Variants in ADARB2 observed in about 807,000 individuals in gnomAD.
ADARB2 encodes inactive double-stranded RNA-specific editase B2.
A neutral mutation model predicts 62.2 loss-of-function variants in ADARB2; 25 were observed. That is an observed-to-expected ratio of 0.40 (90% CI 0.29 to 0.56). The LOEUF (loss-of-function observed/expected upper bound fraction) is 0.56, where lower values mean the gene tolerates loss of function less well. Among genes scored for constraint, ADARB2 ranks in the 20% least tolerant of loss-of-function variants. The pLI is 0.43. For missense variants in ADARB2, 1,071 were observed against 1,077.4 expected (o/e 0.99, Z 0.08); for synonymous variants, 572 against 500.8 (o/e 1.14, Z -1.90).
At chr10:1,586,908 G>A (rs927940568) in intron 1 of ADARB2, among the ~76,000 whole-genome samples, 3 of 152,142 alleles carry the variant, frequency 2.0e-5, no homozygotes, top group African/African-American at 7.2e-5. Flanking sequence ...ACAATGTAAT[G>A]AAATCAATAT....
intron 1 of ADARB2, among the ~76,000 whole-genome samples, chr10:1,430,178 A>G (rs1163766300): frequency 6.6e-6 from 1 of 152,228 alleles, no homozygotes; most frequent in Admixed American, 6.5e-5. Flanking sequence ...ATGTCAGTAG[A>G]CCATGGTGCA....
chr10:1,601,233 T>C (rs1833408454), intron 1 of ADARB2, among the ~76,000 whole-genome samples: 1 of 152,164 alleles, frequency 6.6e-6, no homozygotes, highest in Admixed American at 6.5e-5. Context: ...CCTAGGTTTT[T>C]GTGAAGCCTG....
intron 1 of ADARB2, among the ~76,000 whole-genome samples, chr10:1,530,522 C>G (rs1458564886): frequency 1.3e-5 from 2 of 152,238 alleles, no homozygotes; most frequent in African/African-American, 4.8e-5. Context: ...TCTGTGGGAG[C>G]CACAGGACGA....
At chr10:1,560,158 A>G (rs1329621978) in intron 1 of ADARB2, among the ~76,000 whole-genome samples, 2 of 152,196 alleles carry the variant, frequency 1.3e-5, no homozygotes, top group Non-Finnish European at 1.5e-5. Flanking sequence ...ATTCCTGAAA[A>G]GAAAAGAGAG....
chr10:1,326,856 A>G (rs1299432424), intron 3 of ADARB2, among the ~76,000 whole-genome samples: 4 of 47,962 alleles, frequency 8.3e-5, no homozygotes, highest in Admixed American at 1.9e-4. Flanking sequence ...GCGCCTCCCC[A>G]CTGCCCAGCG....
intron 1 of ADARB2, among the ~76,000 whole-genome samples, chr10:1,660,297 G>T (rs1352720230): frequency 2.0e-5 from 3 of 152,216 alleles, no homozygotes; most frequent in African/African-American, 7.2e-5. Context: ...GTGTTGTTTA[G>T]TTTGGTTCAA....
intron 3 of ADARB2, 85 bp downstream of exon 3, chr10:1,362,943 G>A: frequency 8.3e-7 from 1 of 1,203,108 alleles, no homozygotes; most frequent in Non-Finnish European, 1.1e-6. Flanking sequence ...GAGAAGCCTG[G>A]ACGCCACTCC....
chr10:1,444,687 CTCACTCATTCATCCATTCAT>C, intron 1 of ADARB2, among the ~76,000 whole-genome samples: 1 of 150,684 alleles, frequency 6.6e-6, no homozygotes. Context: ...CATCCACCCA[CTCACTCATTCATCCATTCAT>C]CCACCCACCC....
At chr10:1,321,956 G>C (rs1005505432) in intron 3 of ADARB2, among the ~76,000 whole-genome samples, 3 of 151,992 alleles carry the variant, frequency 2.0e-5, no homozygotes, top group African/African-American at 7.3e-5. Context: ...GGAGGACTTT[G>C]GGTTCTCGGT....
intron 4 of ADARB2, among the ~76,000 whole-genome samples, chr10:1,244,440 C>T (rs940212836): frequency 2.0e-5 from 3 of 152,234 alleles, no homozygotes; most frequent in African/African-American, 7.2e-5. Flanking sequence ...CCTGCTCCTT[C>T]TCTTTGGATT....
At chr10:1,282,001 C>CT (rs1831375056) in intron 3 of ADARB2, among the ~76,000 whole-genome samples, 1 of 152,182 alleles carries the variant, frequency 6.6e-6, no homozygotes, top group African/African-American at 2.4e-5. Context: ...AATTTTCTCT[C>CT]TTTGATATTT....
rs112845657 is a variant in ADARB2, at chr10:1,712,907, C to T, written c.100+24144G>A. 2.9e-3 allele frequency among the ~76,000 whole-genome samples: 444 copies of T among 152,184 alleles called. 2 individuals are homozygous for T. The highest frequency in any genetic ancestry group is 1.0e-2 in the African/African-American group (414 of 41,510). On this transcript the variant is annotated intron_variant, in intron 1 of 9. Transcript: ENST00000381312. ...TACAGGCGTGAGCCACAGCACCCGG[C>T]CACCACCATTACTTTCACTGCATTG...
chr10:1,716,041 G>A (rs985872857), intron 1 of ADARB2, among the ~76,000 whole-genome samples: 2 of 152,120 alleles, frequency 1.3e-5, no homozygotes, highest in African/African-American at 4.8e-5. Flanking sequence ...TGCCCTGCGC[G>A]TTCCATCACG....
intron 1 of ADARB2, among the ~76,000 whole-genome samples, chr10:1,723,862 T>C (rs892848844): frequency 1.3e-5 from 2 of 152,206 alleles, no homozygotes; most frequent in African/African-American, 2.4e-5. Flanking sequence ...GGAGACGTGA[T>C]GGTTTTCTAG....
rs1019819537 is a variant in ADARB2 at position 1,659,644 on chromosome 10, G to T, written c.100+77407C>A. 2.6e-5 allele frequency among the ~76,000 whole-genome samples: 4 copies of T among 152,236 alleles called. No individual in the cohort carries two copies. In the East Asian group the frequency reaches 7.7e-4, roughly 29 times the overall value. On this transcript the variant is annotated intron_variant, in intron 1 of 9. Transcript: ENST00000381312. ...ATCCCAGCCCAACTTTCAGAGCCTG[G>T]TGAACTCGCCTATGCCCACATCTGC...
Position 1,363,849 on chromosome 10 carries a change from C to G in ADARB2, c.256G>C (p.Gly86Arg). The change falls in exon 3 of 10, where the codon GGG becomes CGG. Residue 86 changes from glycine (G) to arginine (R), a missense_variant. Coordinates refer to ENST00000381312, the MANE Select transcript of ADARB2 (RefSeq NM_018702.4). ...GNLAARPPPS[G>R]DRARGGAPGA... ...GGCGCGCCGCCCCGGGCCCGGTCCC[C>G]GGAGGGCGGTGGCCGCGCGGCCAGG... 2.6e-6 allele frequency: 4 copies of G among 1,537,774 alleles called. No individual in the cohort carries two copies. The highest frequency in any genetic ancestry group is 2.4e-5 in the South Asian group (2 of 83,732).
chr10:1,522,753 G>A (rs1432092405), intron 1 of ADARB2, among the ~76,000 whole-genome samples: 10 of 152,188 alleles, frequency 6.6e-5, no homozygotes, highest in Admixed American at 2.6e-4. Context: ...CCATTTTTCA[G>A]TAGCCTCTAA....
chr10:1,580,120 A>G (rs748323008), intron 1 of ADARB2, among the ~76,000 whole-genome samples: 1 of 152,120 alleles, frequency 6.6e-6, no homozygotes, highest in South Asian at 2.1e-4. Flanking sequence ...TTTTTAAAAA[A>G]CCTTTATCAT....
intron 1 of ADARB2, among the ~76,000 whole-genome samples, chr10:1,717,339 G>C (rs1235675899): frequency 6.6e-6 from 1 of 151,326 alleles, no homozygotes; most frequent in East Asian, 2.0e-4. Flanking sequence ...GGGCAGCTGG[G>C]CCTGTGTCAG....
Sources: gnomAD v4.1 joint callset for allele counts (sites outside exome capture counted in the v4.1 genomes callset) on GRCh38, gnomAD v4.1.1 for gene constraint, MANE v1.5 for transcripts, NCBI Gene and HGNC (gene_info 2026-07-23, HGNC 2026-07-21) for gene names.